CABCOCO1: variants seen among roughly 807,000 people sequenced by gnomAD.
CABCOCO1 encodes the protein ciliary associated calcium binding coiled-coil 1, also known as ciliary-associated calcium-binding coiled-coil protein 1.
CABCOCO1 carries 28 observed loss-of-function variants against 35.7 expected under a neutral mutation model. The observed-to-expected ratio is 0.78, with a 90% CI of 0.58 to 1.07. The LOEUF (loss-of-function observed/expected upper bound fraction) is 1.07. Among genes scored for constraint, CABCOCO1 ranks in the 50% least tolerant of loss-of-function variants. The probability of loss-of-function intolerance (pLI) is 0.00; values close to 1 mark genes in which losing one functional copy is unlikely to be tolerated. For missense variants in CABCOCO1, 326 were observed against 309.2 expected (o/e 1.05, Z -0.41); for synonymous variants, 95 against 100.1 (o/e 0.95, Z 0.30).
chr10:61,664,440 T>G (rs1158488307), intron 1 of CABCOCO1, among the ~76,000 whole-genome samples: 1 of 151,282 alleles, frequency 6.6e-6, no homozygotes, highest in African/African-American at 2.4e-5. Context: ...TGTAAAGAAG[T>G]GCTATGCTTC....
At chr10:61,728,058 T>C (rs938596733) in intron 5 of CABCOCO1, among the ~76,000 whole-genome samples, 3 of 152,240 alleles carry the variant, frequency 2.0e-5, no homozygotes, top group Non-Finnish European at 4.4e-5. Context: ...TCAGTATTTT[T>C]AGATATAATT....
intron 4 of CABCOCO1, among the ~76,000 whole-genome samples, chr10:61,686,481 T>C (rs1034413735): frequency 2.6e-5 from 4 of 152,152 alleles, no homozygotes; most frequent in African/African-American, 9.6e-5. Flanking sequence ...AAGAATTTCA[T>C]TTTTCTTTGC....
At chr10:61,715,794 T>C (rs1477624193) in intron 5 of CABCOCO1, among the ~76,000 whole-genome samples, 7 of 152,196 alleles carry the variant, frequency 4.6e-5, no homozygotes, top group Non-Finnish European at 8.8e-5. Flanking sequence ...GGATATGACA[T>C]TCTGGGTTGA....
At chr10:61,729,947 C>A (rs1309481476) in intron 5 of CABCOCO1, among the ~76,000 whole-genome samples, 2 of 151,926 alleles carry the variant, frequency 1.3e-5, no homozygotes, top group Non-Finnish European at 2.9e-5. Flanking sequence ...AGTTACTGAT[C>A]AATGGACATA....
At chr10:61,763,255 T>G (rs540492104) in intron 7 of CABCOCO1, among the ~76,000 whole-genome samples, 1 of 152,248 alleles carries the variant, frequency 6.6e-6, no homozygotes, top group South Asian at 2.1e-4. Context: ...CTATGTGGTT[T>G]CAGGCATATT....
At chr10:61,711,679 C>T (rs377666245) in intron 5 of CABCOCO1, among the ~76,000 whole-genome samples, 1 of 151,790 alleles carries the variant, frequency 6.6e-6, no homozygotes, top group Non-Finnish European at 1.5e-5. Flanking sequence ...TTTAAGTGCA[C>T]AAAAAATATT....
intron 5 of CABCOCO1, among the ~76,000 whole-genome samples, chr10:61,694,819 G>C (rs1401703282): frequency 6.6e-6 from 1 of 152,078 alleles, no homozygotes; most frequent in Non-Finnish European, 1.5e-5. Context: ...AGGGGGAAGA[G>C]AATATAGCAA....
chr10:61,695,316 A>G (rs1324987320), intron 5 of CABCOCO1, among the ~76,000 whole-genome samples: 1 of 151,932 alleles, frequency 6.6e-6, no homozygotes, highest in Non-Finnish European at 1.5e-5. Context: ...AATCTAAAAT[A>G]AAGCATGGGG....
At chr10:61,663,544 T>C (rs1235970814) in intron 1 of CABCOCO1, among the ~76,000 whole-genome samples, 6 of 152,174 alleles carry the variant, frequency 3.9e-5, no homozygotes, top group African/African-American at 1.4e-4. Context: ...TATTAGAAGA[T>C]TGGTGTTTCC....
intron 5 of CABCOCO1, among the ~76,000 whole-genome samples, chr10:61,715,315 T>C (rs186404145): frequency 1.2e-4 from 19 of 152,326 alleles, no homozygotes; most frequent in Admixed American, 1.2e-3. Context: ...ATCTGTTTTA[T>C]CAGAGATTAG....
chr10:61,763,596 C>A (rs1345133943), intron 7 of CABCOCO1, among the ~76,000 whole-genome samples: 1 of 151,902 alleles, frequency 6.6e-6, no homozygotes, highest in African/African-American at 2.4e-5. Flanking sequence ...ACACTAAATT[C>A]TTACATTACA....
intron 5 of CABCOCO1, among the ~76,000 whole-genome samples, chr10:61,758,419 T>C (rs1841942677): frequency 6.6e-6 from 1 of 152,142 alleles, no homozygotes; most frequent in Non-Finnish European, 1.5e-5. Context: ...GGTGAAATTC[T>C]TGTTTGCCCC....
intron 5 of CABCOCO1, among the ~76,000 whole-genome samples, chr10:61,714,459 C>A (rs996013827): frequency 1.3e-5 from 2 of 152,014 alleles, no homozygotes; most frequent in African/African-American, 4.8e-5. Flanking sequence ...TTCAAAAAAC[C>A]AGCTCCTGGA....
intron 1 of CABCOCO1, among the ~76,000 whole-genome samples, chr10:61,666,807 A>G (rs1433732022): frequency 6.6e-6 from 1 of 150,648 alleles, no homozygotes; most frequent in Non-Finnish European, 1.5e-5. Flanking sequence ...CATTGAGAAC[A>G]GACTGACTGT....
At chr10:61,680,674 A>T (rs1839740008) in intron 2 of CABCOCO1, among the ~76,000 whole-genome samples, 1 of 77,880 alleles carries the variant, frequency 1.3e-5, no homozygotes, top group Non-Finnish European at 2.5e-5. Flanking sequence ...TGTATAACAT[A>T]TATGTTATAC....
intron 5 of CABCOCO1, among the ~76,000 whole-genome samples, chr10:61,711,948 C>T (rs1840741844): frequency 6.6e-6 from 1 of 151,924 alleles, no homozygotes; most frequent in Non-Finnish European, 1.5e-5. Flanking sequence ...GTGAATAGTG[C>T]TGCAAAAAAC....
chr10:61,764,833 C>T (rs1530440), intron 7 of CABCOCO1, among the ~76,000 whole-genome samples: 23,191 of 152,050 alleles, frequency 0.15, 2,054 homozygotes, highest in Middle Eastern at 0.24. Context: ...GGCACACATA[C>T]GATCTTTCCA....
chr10:61,671,401 G>T lies in CABCOCO1; in HGVS notation c.61-1231G>T, dbSNP rs182213381. ...AAAAGCACTTGGCTGAGGGGTGAGT[G>T]GGGGCTAAAACTAGACTCTATTCAC... On this transcript the variant is annotated intron_variant, in intron 1 of 7. Coordinates refer to ENST00000648843, the MANE Select transcript of CABCOCO1 (RefSeq NM_001366906.2). Among the ~76,000 whole-genome samples the T allele has an allele frequency of 1.5e-3, 233 of 152,196 alleles. 1 individual carries two copies. The highest frequency in any genetic ancestry group is 5.3e-3 in the African/African-American group (220 of 41,532).
intron 5 of CABCOCO1, among the ~76,000 whole-genome samples, chr10:61,705,314 G>C (rs1840567847): frequency 6.6e-6 from 1 of 152,186 alleles, no homozygotes; most frequent in Non-Finnish European, 1.5e-5. Flanking sequence ...GAACAATTCT[G>C]GGTTGAAGAT....
Sources: allele counts gnomAD v4.1 joint callset (sites outside exome capture counted in the v4.1 genomes callset), GRCh38; gene constraint gnomAD v4.1.1; transcripts MANE v1.5; gene names NCBI Gene and HGNC (gene_info 2026-07-23, HGNC 2026-07-21).